FEZ2: variants seen among roughly 807,000 people sequenced by gnomAD.
The protein encoded by FEZ2 is fasciculation and elongation protein zeta 2, also known as fasciculation and elongation protein zeta-2.
Under a neutral mutation model 40.4 loss-of-function variants are expected in FEZ2, and 51 were observed. The ratio of observed to expected loss-of-function variants is 1.26; its 90% CI spans 1.01 to 1.59. The LOEUF is 1.59. Ranked by LOEUF, FEZ2 falls within the 40% of genes most tolerant of loss-of-function variation. The pLI, the probability that FEZ2 is intolerant of heterozygous loss-of-function variation, is 0.00. For synonymous variants in FEZ2, 242 were observed against 172.0 expected (o/e 1.41, Z -3.18); for missense variants, 640 against 438.3 (o/e 1.46, Z -4.11).
chr2:36,556,456 T>C (rs17019087), intron 6 of FEZ2: 57,087 of 152,210 alleles, frequency 0.38, 10,909 homozygotes, highest in East Asian at 0.61. Flanking sequence ...TATTATACTT[T>C]AACAGAGATT....
chr2:36,561,589 A>G (rs994843141), intron 5 of FEZ2: 9 of 152,188 alleles, frequency 5.9e-5, no homozygotes, highest in Admixed American at 4.6e-4. Context: ...TTTTTTTCCT[A>G]AACAACTTAT....
At chr2:36,555,427 A>T in intron 7 of FEZ2, 1 of 288,290 alleles carries the variant, frequency 3.5e-6, no homozygotes, top group Non-Finnish European at 6.4e-6. Context: ...ATTTTCTTCT[A>T]CTACCTCTCT....
At chr2:36,569,098 C>T (rs1343980871) in intron 5 of FEZ2, among the ~76,000 whole-genome samples, 1 of 152,150 alleles carries the variant, frequency 6.6e-6, no homozygotes, top group East Asian at 1.9e-4. Flanking sequence ...CCCTGTTAAG[C>T]TTTTGTTTAC....
chr2:36,587,207 T>G (rs1433068782), intron 2 of FEZ2, among the ~76,000 whole-genome samples: 1 of 152,156 alleles, frequency 6.6e-6, no homozygotes, highest in African/African-American at 2.4e-5. Context: ...TATAATAAAT[T>G]TCCATGACAA....
intron 5 of FEZ2, among the ~76,000 whole-genome samples, chr2:36,568,376 GAAAAA>G (rs551976867): frequency 1.1e-3 from 165 of 152,112 alleles, no homozygotes; most frequent in African/African-American, 3.9e-3. Context: ...TAAAAGAAAA[GAAAAA>G]ACAATTTGTT....
chr2:36,563,772 C>A (rs1356192557), intron 5 of FEZ2, among the ~76,000 whole-genome samples: 2 of 152,116 alleles, frequency 1.3e-5, no homozygotes, highest in Non-Finnish European at 2.9e-5. Flanking sequence ...TCTGGAAGAC[C>A]ACGGCCACTT....
At chr2:36,553,308 T>G (rs1667869572) in intron 7 of FEZ2, 129 bp from the exon 8 acceptor site, 18 of 716,788 alleles carry the variant, frequency 2.5e-5, no homozygotes, top group Non-Finnish European at 4.0e-5. Context: ...AAGATCTATG[T>G]AGCAATTTTT....
At chr2:36,582,524 T>C (rs761908645) in intron 3 of FEZ2, among the ~76,000 whole-genome samples, 1 of 152,218 alleles carries the variant, frequency 6.6e-6, no homozygotes, top group Non-Finnish European at 1.5e-5. Flanking sequence ...AGGTCATGTC[T>C]ATCCCTAGAT....
intron 4 of FEZ2, among the ~76,000 whole-genome samples, chr2:36,579,699 C>T (rs924091133): frequency 6.6e-6 from 1 of 152,152 alleles, no homozygotes; most frequent in Non-Finnish European, 1.5e-5. Context: ...CCAATTAAAC[C>T]TCTTTTCGTA....
intron 5 of FEZ2, among the ~76,000 whole-genome samples, chr2:36,570,291 C>G (rs972614825): frequency 1.3e-5 from 2 of 151,984 alleles, no homozygotes; most frequent in South Asian, 4.2e-4. Context: ...ACTTGAAAAT[C>G]TTCAATATTA....
intron 5 of FEZ2, chr2:36,560,846 A>T (rs748175643): frequency 1.2e-6 from 2 of 1,610,522 alleles, no homozygotes; most frequent in South Asian, 2.2e-5. Context: ...GACATTTGAG[A>T]TCCCTTCCAT....
intron 3 of FEZ2, among the ~76,000 whole-genome samples, chr2:36,582,460 A>C (rs1452905616): frequency 6.6e-6 from 1 of 152,218 alleles, no homozygotes; most frequent in Non-Finnish European, 1.5e-5. Flanking sequence ...AACTCTTAAA[A>C]AAAGGGAGAG....
intron 6 of FEZ2, chr2:36,557,313 G>A (rs970172433): frequency 6.6e-6 from 1 of 151,942 alleles, no homozygotes; most frequent in African/African-American, 2.4e-5. Flanking sequence ...TTAATCTCTT[G>A]ATTTTTTATT....
intron 3 of FEZ2, among the ~76,000 whole-genome samples, chr2:36,582,904 G>A (rs1023303256): frequency 2.0e-5 from 3 of 152,152 alleles, no homozygotes; most frequent in Non-Finnish European, 2.9e-5. Flanking sequence ...CCTTATTAGC[G>A]CATTCCACGG....
chr2:36,565,701 C>A (rs1389142172), intron 5 of FEZ2, among the ~76,000 whole-genome samples: 1 of 152,132 alleles, frequency 6.6e-6, no homozygotes, highest in Admixed American at 6.5e-5. Context: ...ACACTAAAAA[C>A]GTGGTAGTTG....
rs115494442 is a variant in FEZ2, at chr2:36,569,740, G to A, written c.903+8857C>T. ...GGCTCAGGAAATTTACACTATTCCC[G>A]CTATCAAACTTGTTTCTCAGCCTCA... On this transcript the variant is annotated intron_variant, in intron 5 of 7. Coordinates refer to ENST00000405912, the MANE Select transcript of FEZ2 (RefSeq NM_005102.3). 4.2e-3 allele frequency among the ~76,000 whole-genome samples: 646 copies of A among 152,206 alleles called. 2 individuals carry two copies. The highest frequency in any genetic ancestry group is 7.5e-3 in the Admixed American group (114 of 15,280).
chr2:36,553,933 G>T lies in FEZ2; in HGVS notation c.1046-754C>A, dbSNP rs191248979. ...TAACCAGCTGTGAACTTTCAGGATGGGTGGAAAAGAGCATTTTCAATGACC... is the reference window on the plus strand; with the variant it reads ...TAACCAGCTGTGAACTTTCAGGATGTGTGGAAAAGAGCATTTTCAATGACC... On this transcript the variant is annotated intron_variant, in intron 7 of 7. Coordinates refer to ENST00000405912, the MANE Select transcript of FEZ2 (RefSeq NM_005102.3). Among the ~76,000 whole-genome samples, 489 of 152,200 alleles carry T rather than the reference G, an allele frequency of 3.2e-3. 3 individuals are homozygous for T. The highest frequency in any genetic ancestry group is 5.0e-3 in the Non-Finnish European group (337 of 68,012).
At chr2:36,557,220 C>T (rs1399201903) in intron 6 of FEZ2, 12 of 152,182 alleles carry the variant, frequency 7.9e-5, no homozygotes, top group Admixed American at 3.9e-4. Context: ...AGAGATCCAG[C>T]TCTGTAACTA....
chr2:36,580,979 C>G (rs1668723629), intron 4 of FEZ2, among the ~76,000 whole-genome samples: 1 of 152,058 alleles, frequency 6.6e-6, no homozygotes, highest in Admixed American at 6.6e-5. Flanking sequence ...TGACGAAACC[C>G]CGTCTCTACT....
Sources: allele counts gnomAD v4.1 joint callset (sites outside exome capture counted in the v4.1 genomes callset), GRCh38; gene constraint gnomAD v4.1.1; transcripts MANE v1.5; gene names NCBI Gene and HGNC (gene_info 2026-07-23, HGNC 2026-07-21).